The following EPHB2 variants were observed in gnomAD, a reference collection of about 807,000 sequenced individuals.
EPHB2 encodes ephrin type-B receptor 2.
EPHB2 carries 18 observed loss-of-function variants against 96.4 expected under a neutral mutation model. The ratio of observed to expected loss-of-function variants is 0.19; its 90% confidence interval spans 0.13 to 0.28. The LOEUF is 0.28. Ranked by LOEUF, EPHB2 falls within the 10% of genes least tolerant of loss-of-function variation. EPHB2 has a pLI of 1.00. For missense variants in EPHB2, 989 were observed against 1,355.4 expected (o/e 0.73, Z 4.25); for synonymous variants, 506 against 534.1 (o/e 0.95, Z 0.72).
At chr1:22,900,129 A>G (rs1639703192) in intron 9 of EPHB2, among the ~76,000 whole-genome samples, 1 of 152,042 alleles carries the variant, frequency 6.6e-6, no homozygotes, top group East Asian at 1.9e-4. Context: ...CCCCGTCTCT[A>G]CTAAAAATAC....
rs1299794329 is a variant in EPHB2 at position 22,875,958 on chromosome 1, G to A, written c.1304-6401G>A. Among the ~76,000 whole-genome samples the A allele has an allele frequency of 6.6e-6, 1 of 152,122 alleles. No individual in the cohort carries two copies. The highest frequency in any genetic ancestry group is 1.5e-5 in the Non-Finnish European group (1 of 68,036). On this transcript the variant is annotated intron_variant, in intron 5 of 15. Transcript: ENST00000374630. This position sits in a 1 kb window ranked among gnomAD's most constrained non-coding sequence, Gnocchi z 4.2. Reference sequence around the variant, plus strand: ...AACACCATAGGGCCAAGGCCCTGAGGCAGAACAGAAAGGCTGCCAGTGTGG... The same window carrying A: ...AACACCATAGGGCCAAGGCCCTGAGACAGAACAGAAAGGCTGCCAGTGTGG...
intron 5 of EPHB2, among the ~76,000 whole-genome samples, chr1:22,873,391 G>A (rs1337971947): frequency 6.6e-6 from 1 of 152,200 alleles, no homozygotes; most frequent in Non-Finnish European, 1.5e-5. Context: ...GTTTTCTCAT[G>A]GCAATCACAG....
intron 1 of EPHB2, among the ~76,000 whole-genome samples, chr1:22,711,430 G>T (rs1030174762): frequency 2.0e-5 from 3 of 149,560 alleles, no homozygotes; most frequent in Non-Finnish European, 4.5e-5. Flanking sequence ...GCGGGGGGCG[G>T]GGGGGGCGCC....
chr1:22,848,689 C>T (rs1288230821), intron 3 of EPHB2, among the ~76,000 whole-genome samples: 1 of 152,262 alleles, frequency 6.6e-6, no homozygotes, highest in Admixed American at 6.5e-5. Flanking sequence ...GAGAGTGATT[C>T]CAGGCCTCCC....
Position 22,783,705 on chromosome 1 carries a change from G to A in EPHB2, c.127-687G>A, listed in dbSNP as rs549899985. On this transcript the variant is annotated intron_variant, in intron 2 of 15. Transcript: ENST00000374630. Reference sequence around the variant, plus strand: ...ACCACCTGGCCCAGCCCCTTGCAGCGGTGAGGCTTAGCATCTCTCTGCTGG... The same window carrying A: ...ACCACCTGGCCCAGCCCCTTGCAGCAGTGAGGCTTAGCATCTCTCTGCTGG... Among the ~76,000 whole-genome samples, 73 of 152,272 alleles carry A rather than the reference G, an allele frequency of 4.8e-4. 1 individual carries two copies. In the South Asian group the frequency reaches 0.011, roughly 22 times the overall value.
At chr1:22,717,575 G>A (rs1172442196) in intron 1 of EPHB2, among the ~76,000 whole-genome samples, 2 of 152,146 alleles carry the variant, frequency 1.3e-5, no homozygotes, top group African/African-American at 4.8e-5. Context: ...TTCCTCATCT[G>A]GAAACTGGAG....
intron 3 of EPHB2, among the ~76,000 whole-genome samples, chr1:22,803,746 T>C (rs1413869980): frequency 6.9e-6 from 1 of 145,448 alleles, no homozygotes; most frequent in Middle Eastern, 3.7e-3. Context: ...TGTGTGTGTA[T>C]ATATATATAT....
In EPHB2 at chr1:22,711,045, T is replaced by TGAGC. The variant is rs748471465; in HGVS notation, c.61+8_61+11dup. The stretch of plus-strand genomic sequence containing the variant: ...TGCCGCTGCTCGCCGCCGTGGAAGG[T>TGAGC]GAGCGAGCGGGCGGGCGGGCGGGCG... On this transcript the variant is annotated splice_region_variant and intron_variant, in intron 1 of 15. Transcript: ENST00000374630. The TGAGC allele has an allele frequency of 1.4e-3, 201 of 145,872 alleles. No homozygotes were observed. Among genetic ancestry groups the TGAGC allele is most frequent in the Middle Eastern group, 6.8e-3 (2 of 294 alleles). The allele number at this position is 145,872 out of a possible 1,614,324, so 9.0% of individuals were successfully genotyped here. A position where few individuals can be genotyped will look rare whatever the true frequency, so the allele number is the denominator to read the frequency against.
At chr1:22,725,190 G>C (rs1423336191) in intron 1 of EPHB2, among the ~76,000 whole-genome samples, 3 of 152,168 alleles carry the variant, frequency 2.0e-5, no homozygotes, top group Non-Finnish European at 4.4e-5. Context: ...GGTTGGATGA[G>C]CAGCTCAGCT....
In EPHB2 at chr1:22,916,527, G is replaced by T; in HGVS notation, c.*2957G>T. ...ACCCACCCACCCCACCCGCTACCGG[G>T]GCAGTCGCCCCGCCCCAACCTCTTG... On this transcript the variant is annotated 3_prime_UTR_variant, in exon 16 of 16. Transcript: ENST00000374630. The surrounding 1 kb of genome is among the most constrained non-coding windows in gnomAD (Gnocchi z 4.2). 1.1e-5 allele frequency: 1 copy of T among 87,076 alleles called. No homozygotes were observed. Among genetic ancestry groups the T allele is most frequent in the African/African-American group, 5.2e-5 (1 of 19,152 alleles). The allele number at this position is 87,076 out of a possible 1,614,324, so 5.4% of individuals were successfully genotyped here.
intron 1 of EPHB2, among the ~76,000 whole-genome samples, chr1:22,718,152 G>A (rs1260299895): frequency 6.6e-6 from 1 of 152,124 alleles, no homozygotes; most frequent in Non-Finnish European, 1.5e-5. Context: ...TGTGTTCTGA[G>A]CCTTACAGGG....
Position 22,860,360 on chromosome 1 carries a change from G to A in EPHB2, c.812-2677G>A, listed in dbSNP as rs1645775051. Among the ~76,000 whole-genome samples, 1 of 152,150 alleles carries A rather than the reference G, an allele frequency of 6.6e-6. No homozygotes were observed. Among genetic ancestry groups the A allele is most frequent in the African/African-American group, 2.4e-5 (1 of 41,426 alleles). On this transcript the variant is annotated intron_variant, in intron 3 of 15. Transcript: ENST00000374630. The surrounding 1 kb of genome is among the most constrained non-coding windows in gnomAD (Gnocchi z 4.6). ...GTGGGGGGACAGGGTGGAGAGTGAT[G>A]CCACTTCCCAGGGCAGAGAAGAGTG...
Position 22,813,035 on chromosome 1 carries a change from A to G in EPHB2, c.811+27959A>G, listed in dbSNP as rs113797044. On this transcript the variant is annotated intron_variant, in intron 3 of 15. Coordinates refer to ENST00000374630, the MANE Select transcript of EPHB2 (RefSeq NM_017449.5). ...GTACCCTTTTAATTGATGATTTGTA[A>G]TTTATTATAATTTGGCATATTATAT... Among the ~76,000 whole-genome samples the G allele has an allele frequency of 3.8e-4, 58 of 152,304 alleles. 1 individual carries two copies. The highest frequency in any genetic ancestry group is 1.4e-3 in the African/African-American group (58 of 41,578).
intron 5 of EPHB2, among the ~76,000 whole-genome samples, chr1:22,872,969 C>G (rs534940701): frequency 6.6e-6 from 1 of 152,196 alleles, no homozygotes; most frequent in African/African-American, 2.4e-5. Context: ...GCCCTCTCCG[C>G]GCATCTTCCT....
chr1:22,770,504 T>TA lies in EPHB2; in HGVS notation c.62-10916dup, dbSNP rs1229179985. On this transcript the variant is annotated intron_variant, in intron 1 of 15. Coordinates refer to ENST00000374630, the MANE Select transcript of EPHB2 (RefSeq NM_017449.5). ...AACCCAAGAGACCCCAGCTTGGACT[T>TA]ACAGTGGCCTGTGTCTTATTGATTT... Among the ~76,000 whole-genome samples the TA allele has an allele frequency of 2.6e-5, 4 of 152,298 alleles. No individual in the cohort carries two copies. The East Asian group carries it at 5.8e-4, about 22-fold the overall frequency.
At position 22,912,390 on chromosome 1, in the gene EPHB2, C is replaced by A; in HGVS notation, c.2697-54C>A. ...CGCAGCCTACAGGCATGTCCCTGCACGCTCCCTGCAAACAGGTGCCCTGAC... is the reference window on the plus strand; with the variant it reads ...CGCAGCCTACAGGCATGTCCCTGCAAGCTCCCTGCAAACAGGTGCCCTGAC... On this transcript the variant is annotated intron_variant, in intron 14 of 15. Coordinates refer to ENST00000374630, the MANE Select transcript of EPHB2 (RefSeq NM_017449.5). The A allele has an allele frequency of 3.1e-6, 5 of 1,610,994 alleles. No homozygotes were observed. The South Asian group carries it at 5.5e-5, about 18-fold the overall frequency.
At chr1:22,907,277 A>G (rs549138303) in intron 11 of EPHB2, among the ~76,000 whole-genome samples, 1 of 152,342 alleles carries the variant, frequency 6.6e-6, no homozygotes, top group Non-Finnish European at 1.5e-5. Flanking sequence ...CATTATGCAC[A>G]GGAGAAAACG....
intron 5 of EPHB2, among the ~76,000 whole-genome samples, chr1:22,873,816 TC>T (rs949326289): frequency 1.3e-5 from 2 of 152,176 alleles, no homozygotes; most frequent in Non-Finnish European, 2.9e-5. Context: ...TAAGGAAACT[TC>T]CTAGAAGTCC....
rs756746557 is a variant in EPHB2, at chr1:22,913,835, C to T, written c.*265C>T. Reference sequence around the variant, plus strand: ...AGGAATATTTTTTAAAGAGGATTCTCATAAGGAAAGCAATGACTGTTCTTG... The same window carrying T: ...AGGAATATTTTTTAAAGAGGATTCTTATAAGGAAAGCAATGACTGTTCTTG... On this transcript the variant is annotated 3_prime_UTR_variant, in exon 16 of 16. Coordinates refer to ENST00000374630, the MANE Select transcript of EPHB2 (RefSeq NM_017449.5). This position sits in a 1 kb window ranked among gnomAD's most constrained non-coding sequence, Gnocchi z 4.1. 9 of 1,610,272 alleles carry T rather than the reference C, an allele frequency of 5.6e-6. No homozygotes were observed. In the Admixed American group the frequency reaches 1.3e-4, roughly 24 times the overall value.
Sources: gnomAD v4.1 joint callset for allele counts (sites outside exome capture counted in the v4.1 genomes callset) on GRCh38, gnomAD v4.1.1 for gene constraint, Gnocchi (gnomAD v3.1) non-coding constraint, MANE v1.5 for transcripts, NCBI Gene and HGNC (gene_info 2026-07-23, HGNC 2026-07-21) for gene names.